Variants in SOX5 observed in about 807,000 individuals in gnomAD.
SOX5 encodes transcription factor SOX-5.
A neutral mutation model predicts 92.0 loss-of-function variants in SOX5; 9 were observed. The ratio of observed to expected loss-of-function variants is 0.10; its 90% confidence interval spans 0.06 to 0.17. The LOEUF (loss-of-function observed/expected upper bound fraction) is 0.17. Among genes scored for constraint, SOX5 ranks in the 10% least tolerant of loss-of-function variants. The pLI is 1.00. For synonymous variants in SOX5, 344 were observed against 336.3 expected (o/e 1.02, Z -0.25); for missense variants, 642 against 944.5 (o/e 0.68, Z 4.20).
chr12:23,755,165 C>A (rs2141227449), intron 4 of SOX5, among the ~76,000 whole-genome samples: 1 of 151,574 alleles, frequency 6.6e-6, no homozygotes, highest in East Asian at 1.9e-4. Flanking sequence ...CAAATAAAAC[C>A]AAAACAAATT....
chr12:23,865,579 G>A (rs556216731), intron 2 of SOX5, among the ~76,000 whole-genome samples: 2 of 152,210 alleles, frequency 1.3e-5, no homozygotes, highest in South Asian at 4.2e-4. Context: ...GGAGGCTGAG[G>A]CAGGAGAATC....
chr12:23,840,954 A>G (rs2096506299), intron 3 of SOX5, among the ~76,000 whole-genome samples: 1 of 152,140 alleles, frequency 6.6e-6, no homozygotes, highest in Non-Finnish European at 1.5e-5. Flanking sequence ...ACAGACATCA[A>G]AAGCATAATC....
intron 3 of SOX5, among the ~76,000 whole-genome samples, chr12:23,838,068 AT>A (rs2096456269): frequency 3.3e-5 from 1 of 30,574 alleles, no homozygotes; most frequent in African/African-American, 1.3e-4. Context: ...ACTTATATAT[AT>A]TATATTTATA....
At chr12:23,722,527 T>A (rs2092877537) in intron 6 of SOX5, among the ~76,000 whole-genome samples, 1 of 152,198 alleles carries the variant, frequency 6.6e-6, no homozygotes, top group South Asian at 2.1e-4. Flanking sequence ...GGAAATTTCA[T>A]CACAAATGTA....
At chr12:24,304,050 C>T (rs1355936782) in intron 2 of SOX5, among the ~76,000 whole-genome samples, 1 of 152,018 alleles carries the variant, frequency 6.6e-6, no homozygotes, top group East Asian at 1.9e-4. Context: ...ATACACTACA[C>T]AAAAATATAT....
chr12:23,963,765 T>TTAA (rs71445973), intron 4 of SOX5, among the ~76,000 whole-genome samples: 1 of 125,856 alleles, frequency 7.9e-6, no homozygotes, highest in African/African-American at 3.0e-5. Context: ...ATGAATGAAG[T>TTAA]AAAAAAAAAA....
At chr12:23,744,588 TA>T (rs2093918045) in intron 4 of SOX5, among the ~76,000 whole-genome samples, 1 of 152,222 alleles carries the variant, frequency 6.6e-6, no homozygotes, top group South Asian at 2.1e-4. Flanking sequence ...GTTTTTCCTT[TA>T]ATTTTAATGA....
intron 6 of SOX5, among the ~76,000 whole-genome samples, chr12:23,704,537 C>T (rs935212587): frequency 8.6e-5 from 13 of 151,096 alleles, no homozygotes; most frequent in African/African-American, 2.9e-4. Flanking sequence ...GTGAGGGTGA[C>T]GTATAACGAC....
intron 3 of SOX5, among the ~76,000 whole-genome samples, chr12:23,844,368 C>T (rs1040646210): frequency 6.6e-6 from 1 of 152,140 alleles, no homozygotes; most frequent in Non-Finnish European, 1.5e-5. Context: ...GGACCATCTG[C>T]ATAAAGCTAA....
chr12:24,031,059 T>A (rs1955449918), intron 4 of SOX5, among the ~76,000 whole-genome samples: 1 of 151,816 alleles, frequency 6.6e-6, no homozygotes, highest in South Asian at 2.1e-4. Flanking sequence ...TTGGCAAGGA[T>A]GTGGAGAAAA....
chr12:23,855,063 A>C (rs927642761), intron 2 of SOX5, among the ~76,000 whole-genome samples: 3 of 152,018 alleles, frequency 2.0e-5, no homozygotes, highest in Admixed American at 6.6e-5. Flanking sequence ...AAATAAAGAA[A>C]AAAAATAGAC....
chr12:24,329,652 T>C (rs1464436960), intron 2 of SOX5, among the ~76,000 whole-genome samples: 3 of 152,246 alleles, frequency 2.0e-5, no homozygotes, highest in East Asian at 1.9e-4. Context: ...AAAAGCATGA[T>C]AAATTATTCA....
At chr12:24,246,846 T>C (rs1452801086) in intron 3 of SOX5, among the ~76,000 whole-genome samples, 1 of 151,986 alleles carries the variant, frequency 6.6e-6, no homozygotes, top group Non-Finnish European at 1.5e-5. Flanking sequence ...AGACAGCTTA[T>C]AATGAAATAC....
intron 4 of SOX5, among the ~76,000 whole-genome samples, chr12:24,040,466 G>A (rs991584841): frequency 6.6e-6 from 1 of 152,106 alleles, no homozygotes; most frequent in African/African-American, 2.4e-5. Flanking sequence ...ATGCCCTTGT[G>A]GTTGTTCAAA....
At position 24,248,134 on chromosome 12, in the gene SOX5, C is replaced by G. The variant is rs538728559; in HGVS notation, c.-77+29082G>C. 7.2e-4 allele frequency among the ~76,000 whole-genome samples: 110 copies of G among 152,274 alleles called. 1 individual carries two copies. The highest frequency in any genetic ancestry group is 2.6e-3 in the African/African-American group (109 of 41,560). On this transcript the variant is annotated intron_variant, in intron 3 of 4. Coordinates refer to the SOX5 transcript ENST00000446891. ...ATTGAGAAGGTTCTGGATTGAGTCT[C>G]TCTATTAAGGGAGACAGAAACAGCA...
At chr12:24,042,320 A>C (rs1956601292) in intron 4 of SOX5, among the ~76,000 whole-genome samples, 1 of 152,168 alleles carries the variant, frequency 6.6e-6, no homozygotes, top group African/African-American at 2.4e-5. Context: ...TAAACAAAGC[A>C]GTAATAAAGA....
chr12:23,591,282 G>A (rs1047015482), intron 9 of SOX5, among the ~76,000 whole-genome samples: 6 of 152,002 alleles, frequency 3.9e-5, no homozygotes, highest in Non-Finnish European at 7.4e-5. Context: ...ATGATAACTA[G>A]GGTTCAATTA....
At chr12:23,923,705 G>T (rs550255205) in intron 1 of SOX5, among the ~76,000 whole-genome samples, 2 of 152,152 alleles carry the variant, frequency 1.3e-5, no homozygotes, top group South Asian at 4.1e-4. Flanking sequence ...TCCATAGCCT[G>T]TCCCCAGCCT....
chr12:24,279,616 T>TAA (rs898380039), intron 2 of SOX5, among the ~76,000 whole-genome samples: 20 of 151,362 alleles, frequency 1.3e-4, no homozygotes, highest in African/African-American at 4.8e-4. Context: ...AAAATTTTCT[T>TAA]AAAAAAAAAC....
Sources: allele counts gnomAD v4.1 joint callset (sites outside exome capture counted in the v4.1 genomes callset), GRCh38; gene constraint gnomAD v4.1.1; transcripts MANE v1.5; gene names NCBI Gene and HGNC (gene_info 2026-07-23, HGNC 2026-07-21).